Variants in RPS6KA5 observed in about 807,000 individuals in gnomAD.
RPS6KA5 encodes the protein ribosomal protein S6 kinase alpha-5.
RPS6KA5 carries 27 observed loss-of-function variants against 85.5 expected under a neutral mutation model. That is an observed-to-expected ratio of 0.32 (90% CI 0.23 to 0.44). The LOEUF (loss-of-function observed/expected upper bound fraction) is 0.44. RPS6KA5 is among the 20% of genes least tolerant of loss of function. RPS6KA5 has a pLI of 1.00. For missense variants in RPS6KA5, 811 were observed against 980.9 expected, an observed-to-expected ratio of 0.83 and a Z score of 2.31; for synonymous variants, 334 against 348.2, an observed-to-expected ratio of 0.96 and a Z score of 0.46.
chr14:90,906,752 AGTGCCAGCAAACCT>A (rs1211636774), intron 7 of RPS6KA5, among the ~76,000 whole-genome samples: 29 of 152,276 alleles, frequency 1.9e-4, no homozygotes, highest in Non-Finnish European at 4.0e-4. Context: ...TCTTCCCCTG[AGTGCCAGCAAACCT>A]AAGGGGCCCA....
intron 3 of RPS6KA5, among the ~76,000 whole-genome samples, chr14:90,959,981 G>A (rs1452295408): frequency 3.9e-5 from 6 of 152,138 alleles, no homozygotes; most frequent in Non-Finnish European, 7.4e-5. Flanking sequence ...GCTCTGCCCT[G>A]AGAGCCCACA....
chr14:91,044,443 A>C (rs545373986), intron 1 of RPS6KA5, among the ~76,000 whole-genome samples: 30 of 149,918 alleles, frequency 2.0e-4, no homozygotes, highest in South Asian at 4.2e-4. Context: ...GAAAGAAAGA[A>C]AGAAAATTAC....
chr14:91,000,829 G>A (rs2040757402), intron 2 of RPS6KA5, among the ~76,000 whole-genome samples: 1 of 152,020 alleles, frequency 6.6e-6, no homozygotes, highest in African/African-American at 2.4e-5. Flanking sequence ...ATAAAATATT[G>A]TGTCCTGTGT....
chr14:91,044,876 A>G (rs1391087677), intron 1 of RPS6KA5, among the ~76,000 whole-genome samples: 2 of 152,026 alleles, frequency 1.3e-5, no homozygotes, highest in African/African-American at 2.4e-5. Context: ...TCAAAAAAAA[A>G]AAAAAGAAAA....
At position 90,864,766 on chromosome 14, in the gene RPS6KA5, T is replaced by C. The variant is rs1318606857; in HGVS notation, c.*7308A>G. ...GATAGCCAAATGACTAATAAAAATA[T>C]AAAAAGGTGTTCCACACATCACTAC... On this transcript the variant is annotated 3_prime_UTR_variant, in exon 17 of 17. Transcript: ENST00000614987. 6.6e-6 allele frequency: 1 copy of C among 152,138 alleles called. No homozygotes were observed. Among genetic ancestry groups the C allele is most frequent in the Non-Finnish European group, 1.5e-5 (1 of 68,014 alleles). The allele number at this position is 152,138 out of a possible 1,614,324, so 9.4% of individuals were successfully genotyped here.
rs184859399 is a variant in RPS6KA5, at chr14:91,025,335, C to T, written c.104-24176G>A. Among the ~76,000 whole-genome samples, 105 of 152,340 alleles carry T rather than the reference C, an allele frequency of 6.9e-4. 1 individual carries two copies. Among genetic ancestry groups the T allele is most frequent in the African/African-American group, 2.4e-3 (101 of 41,580 alleles). On this transcript the variant is annotated intron_variant, in intron 1 of 16. Coordinates refer to ENST00000614987, the MANE Select transcript of RPS6KA5 (RefSeq NM_004755.4). ...CTGGGATTATAGGCGTGAGCCACCA[C>T]GCCCAGTCTCCTTTTTTTCATTGAG... is the stretch of plus-strand genomic sequence containing the variant.
intron 3 of RPS6KA5, among the ~76,000 whole-genome samples, chr14:90,976,385 C>T (rs1415857213): frequency 6.6e-6 from 1 of 152,082 alleles, no homozygotes; most frequent in Admixed American, 6.5e-5. Flanking sequence ...ATTTCTCAAA[C>T]AGTCCTCATG....
At chr14:91,018,805 T>C (rs1227916051) in intron 1 of RPS6KA5, among the ~76,000 whole-genome samples, 1 of 152,104 alleles carries the variant, frequency 6.6e-6, no homozygotes, top group African/African-American at 2.4e-5. Flanking sequence ...ATCGTGGGAC[T>C]TCACCTTGTG....
chr14:90,973,326 C>G (rs1399940316), intron 3 of RPS6KA5, among the ~76,000 whole-genome samples: 2 of 151,882 alleles, frequency 1.3e-5, no homozygotes, highest in Non-Finnish European at 2.9e-5. Flanking sequence ...ATCTGTAGTC[C>G]CAGCTACTCA....
At chr14:91,058,164 A>AT in intron 1 of RPS6KA5, among the ~76,000 whole-genome samples, 1 of 152,232 alleles carries the variant, frequency 6.6e-6, no homozygotes, top group East Asian at 1.9e-4. Flanking sequence ...TTCAAGTTAT[A>AT]TTTTAACAGT....
Position 90,986,908 on chromosome 14 carries a change from T to C in RPS6KA5, c.176-8384A>G, listed in dbSNP as rs1490466104. Among the ~76,000 whole-genome samples, 3 of 152,226 alleles carry C rather than the reference T, an allele frequency of 2.0e-5. 1 individual carries two copies. Among genetic ancestry groups the C allele is most frequent in the Admixed American group, 1.3e-4 (2 of 15,280 alleles). On this transcript the variant is annotated intron_variant, in intron 2 of 16. Coordinates refer to ENST00000614987, the MANE Select transcript of RPS6KA5 (RefSeq NM_004755.4). ...CCTGACCACCCTCCTTCCCTCACTCTTGTTCTCCTGAGAGTGCTCCTGCAG... is the reference window on the plus strand; with the variant it reads ...CCTGACCACCCTCCTTCCCTCACTCCTGTTCTCCTGAGAGTGCTCCTGCAG...
chr14:90,850,315 G>A lies in RPS6KA5; in HGVS notation c.*21759C>T, dbSNP rs1197535301. On this transcript the variant is annotated 3_prime_UTR_variant, in exon 17 of 17. Coordinates refer to ENST00000614987, the MANE Select transcript of RPS6KA5 (RefSeq NM_004755.4). ...AATGACAAGAAGAACAGTCATGATTGTAGTCAATTTTAAAAATAGACATCC... is the reference window on the plus strand; with the variant it reads ...AATGACAAGAAGAACAGTCATGATTATAGTCAATTTTAAAAATAGACATCC... 6.6e-6 allele frequency: 1 copy of A among 152,164 alleles called. No homozygotes were observed. The highest frequency in any genetic ancestry group is 2.4e-5 in the African/African-American group (1 of 41,446). The allele number at this position is 152,164 out of a possible 1,614,324, so 9.4% of individuals were successfully genotyped here.
chr14:90,885,552 CAAAAAAAAAAAAAAAAAAAA>C (rs780292114), intron 14 of RPS6KA5, among the ~76,000 whole-genome samples: 29 of 19,872 alleles, frequency 1.5e-3, no homozygotes, highest in Middle Eastern at 0.016. Flanking sequence ...GACTCCGTCT[CAAAAAAAAAAAAAAAAAAAA>C]AAAAAAAAAA....
chr14:91,043,855 A>G (rs1329675273), intron 1 of RPS6KA5, among the ~76,000 whole-genome samples: 1 of 152,184 alleles, frequency 6.6e-6, no homozygotes, highest in African/African-American at 2.4e-5. Context: ...AGTGAATATC[A>G]CGAAATCACA....
At chr14:90,925,462 T>C (rs1043684912) in intron 5 of RPS6KA5, among the ~76,000 whole-genome samples, 12 of 152,184 alleles carry the variant, frequency 7.9e-5, no homozygotes, top group African/African-American at 2.9e-4. Context: ...TTATGCTTCT[T>C]AGATTTGAGA....
At chr14:91,035,680 C>T (rs958475112) in intron 1 of RPS6KA5, among the ~76,000 whole-genome samples, 1 of 151,646 alleles carries the variant, frequency 6.6e-6, no homozygotes, top group Admixed American at 6.6e-5. Context: ...CATCTCCTCC[C>T]CCAACATCAT....
intron 7 of RPS6KA5, among the ~76,000 whole-genome samples, chr14:90,916,879 G>T (rs1181826411): frequency 6.6e-6 from 1 of 152,136 alleles, no homozygotes; most frequent in Admixed American, 6.5e-5. Flanking sequence ...GATATAAAGG[G>T]AATAAAAGCA....
At chr14:91,040,822 T>C (rs112158318) in intron 1 of RPS6KA5, among the ~76,000 whole-genome samples, 5,077 of 152,238 alleles carry the variant, frequency 0.033, 203 homozygotes, top group African/African-American at 0.11. Flanking sequence ...AAGCACTGAG[T>C]GCTCTACAGA....
chr14:90,954,182 C>T (rs1235836603), intron 3 of RPS6KA5, among the ~76,000 whole-genome samples: 5 of 152,172 alleles, frequency 3.3e-5, no homozygotes, highest in African/African-American at 1.2e-4. Context: ...ATAGAAAGAG[C>T]CTACATTGAA....
Sources: gnomAD v4.1 joint callset for allele counts (sites outside exome capture counted in the v4.1 genomes callset) on GRCh38, gnomAD v4.1.1 for gene constraint, MANE v1.5 for transcripts, NCBI Gene and HGNC (gene_info 2026-07-23, HGNC 2026-07-21) for gene names.